TTLL9: variants seen among roughly 807,000 people sequenced by gnomAD.
TTLL9 encodes the protein tubulin tyrosine ligase like 9, also known as probable tubulin polyglutamylase TTLL9.
TTLL9 carries 47 observed loss-of-function variants against 65.6 expected under a neutral mutation model. The ratio of observed to expected loss-of-function variants is 0.72; its 90% confidence interval spans 0.57 to 0.91. The LOEUF is 0.91. Among genes scored for constraint, TTLL9 ranks in the 40% least tolerant of loss-of-function variants. TTLL9 has a pLI of 0.00. For synonymous variants in TTLL9, 179 were observed against 204.8 expected, an observed-to-expected ratio of 0.87 and a Z score of 1.07; for missense variants, 537 against 568.8, an observed-to-expected ratio of 0.94 and a Z score of 0.57.
chr20:31,938,319 G>C, intron 13 of TTLL9: 2 of 405,680 alleles, frequency 4.9e-6, no homozygotes, highest in Non-Finnish European at 1.0e-5. Context: ...GTGAGCCATG[G>C]GGTGAGGGAG....
chr20:31,894,441 C>A (rs1326304125), intron 3 of TTLL9, among the ~76,000 whole-genome samples: 3 of 152,052 alleles, frequency 2.0e-5, no homozygotes, highest in African/African-American at 7.2e-5. Context: ...TTGTATCCAT[C>A]TTTTCCCATA....
chr20:31,925,964 T>A, intron 9 of TTLL9, 85 bp from the exon 10 acceptor site: 1 of 1,582,466 alleles, frequency 6.3e-7, no homozygotes, highest in Non-Finnish European at 8.6e-7. Flanking sequence ...GACCAGTGTA[T>A]CCTGGGATCC....
intron 2 of TTLL9, among the ~76,000 whole-genome samples, chr20:31,882,070 C>T (rs955269090): frequency 2.0e-5 from 3 of 152,142 alleles, no homozygotes; most frequent in Non-Finnish European, 4.4e-5. Flanking sequence ...CTTATTTGAG[C>T]AGGAACGTTC....
At chr20:31,912,682 GTGGGGGT>G (rs2063676045) in intron 6 of TTLL9, among the ~76,000 whole-genome samples, 1 of 151,828 alleles carries the variant, frequency 6.6e-6, no homozygotes, top group Admixed American at 6.6e-5. Context: ...ATACAATATT[GTGGGGGT>G]TGGCAAGTCT....
intron 6 of TTLL9, among the ~76,000 whole-genome samples, chr20:31,911,363 G>C (rs926233897): frequency 3.3e-5 from 5 of 152,176 alleles, no homozygotes; most frequent in African/African-American, 1.2e-4. Context: ...GCCAGGGAGG[G>C]AGCAGGAGGG....
intron 6 of TTLL9, among the ~76,000 whole-genome samples, chr20:31,911,827 TGTGC>T (rs1164282777): frequency 9.5e-6 from 1 of 104,816 alleles, no homozygotes; most frequent in Non-Finnish European, 2.0e-5. Context: ...TCGGTGTGTC[TGTGC>T]GTGTGTGTGT....
chr20:31,882,585 A>G (rs2063133621), intron 2 of TTLL9, among the ~76,000 whole-genome samples: 3 of 152,200 alleles, frequency 2.0e-5, no homozygotes, highest in Admixed American at 2.0e-4. Context: ...CATACAAGCA[A>G]CTAAGCCACT....
At chr20:31,902,080 A>G (rs1286494868) in intron 4 of TTLL9, among the ~76,000 whole-genome samples, 4 of 151,292 alleles carry the variant, frequency 2.6e-5, no homozygotes, top group African/African-American at 9.8e-5. Context: ...GTCTTTTAGC[A>G]TATTCACAAA....
chr20:31,936,624 C>T (rs746788146), intron 12 of TTLL9, among the ~76,000 whole-genome samples: 15 of 152,194 alleles, frequency 9.9e-5, no homozygotes, highest in Non-Finnish European at 1.9e-4. Flanking sequence ...CCACAGTCTC[C>T]ACCCCTCCCC....
intron 3 of TTLL9, among the ~76,000 whole-genome samples, chr20:31,889,142 A>G (rs1347752024): frequency 6.6e-6 from 1 of 152,236 alleles, no homozygotes; most frequent in Non-Finnish European, 1.5e-5. Flanking sequence ...ACTACCAGTA[A>G]GAGAAAACTC....
intron 2 of TTLL9, chr20:31,879,861 C>G (rs1451871370): frequency 1.3e-6 from 2 of 1,550,362 alleles, no homozygotes; most frequent in Admixed American, 3.9e-5. Context: ...CGGTTTGGAT[C>G]TGGCCCCTGG....
At chr20:31,884,661 A>G (rs1251556920) in intron 2 of TTLL9, among the ~76,000 whole-genome samples, 1 of 152,198 alleles carries the variant, frequency 6.6e-6, no homozygotes. Flanking sequence ...AGGCTGTCTC[A>G]TGGTCCCCTT....
At chr20:31,873,452 C>T (rs1385871251) in intron 2 of TTLL9, among the ~76,000 whole-genome samples, 1 of 151,930 alleles carries the variant, frequency 6.6e-6, no homozygotes, top group African/African-American at 2.4e-5. Flanking sequence ...AGTTGGAGAC[C>T]AGCCTGGGCA....
intron 3 of TTLL9, among the ~76,000 whole-genome samples, chr20:31,895,925 C>T (rs2063380717): frequency 6.7e-6 from 1 of 149,630 alleles, no homozygotes; most frequent in African/African-American, 2.5e-5. Flanking sequence ...CTGCAACTTC[C>T]ATCTCCCGGG....
In TTLL9 at chr20:31,919,934, T is replaced by G; in HGVS notation, c.573+2T>G. The G allele has an allele frequency of 6.3e-7, 1 of 1,580,816 alleles. No homozygotes were observed. The highest frequency in any genetic ancestry group is 8.6e-7 in the Non-Finnish European group (1 of 1,164,210). On this transcript the variant is annotated splice_donor_variant, in intron 7 of 14. Coordinates refer to ENST00000535842, the MANE Select transcript of TTLL9 (RefSeq NM_001008409.5). LOFTEE classifies it high-confidence loss of function. ...AAGGACATCGTGGACTGGAGGAAGG[T>G]GAGCCTGCCTCTTCCCCCTTCCTCC... is the stretch of plus-strand genomic sequence containing the variant.
rs1568751712 is a variant in TTLL9, at chr20:31,889,978, CTTTCTTTCTTTCTT to C, written c.113+2741_113+2754del. Among the ~76,000 whole-genome samples the C allele has an allele frequency of 2.9e-3, 176 of 60,864 alleles. 1 individual carries two copies. The highest frequency in any genetic ancestry group is 0.016 in the African/African-American group (169 of 10,408). 39.9% of individuals were successfully genotyped at this position (60,864 alleles called of 152,430 possible). On this transcript the variant is annotated intron_variant, in intron 3 of 14. Transcript: ENST00000535842. ...AGAATCAAGCCACATCTCTCTCTTT[CTTTCTTTCTTTCTT>C]TCTTTCTTTCTTTCTTTCTTTCTTT... is the stretch of plus-strand genomic sequence containing the variant.
intron 9 of TTLL9, 103 bp from the exon 10 acceptor site, chr20:31,925,946 G>T (rs2063896935): frequency 6.4e-7 from 1 of 1,567,232 alleles, no homozygotes; most frequent in Non-Finnish European, 8.7e-7. Flanking sequence ...ACACTGAACA[G>T]CATTGATGAC....
intron 4 of TTLL9, among the ~76,000 whole-genome samples, chr20:31,901,778 G>T (rs1249712760): frequency 6.6e-6 from 1 of 152,212 alleles, no homozygotes; most frequent in Non-Finnish European, 1.5e-5. Context: ...TCCACAGGGT[G>T]ACTCCACCCA....
At chr20:31,911,831 CGTGT>C (rs55996863) in intron 6 of TTLL9, among the ~76,000 whole-genome samples, 22,312 of 142,030 alleles carry the variant, frequency 0.16, 1,868 homozygotes, top group East Asian at 0.3. Context: ...TGTGTCTGTG[CGTGT>C]GTGTGTGTGT....
Sources: gnomAD v4.1 joint callset for allele counts (sites outside exome capture counted in the v4.1 genomes callset) on GRCh38, gnomAD v4.1.1 for gene constraint, MANE v1.5 for transcripts, NCBI Gene and HGNC (gene_info 2026-07-23, HGNC 2026-07-21) for gene names.